The following SYNPR variants were observed in gnomAD, a reference collection of about 807,000 sequenced individuals.
SYNPR encodes synaptoporin.
Under a neutral mutation model 32.9 loss-of-function variants are expected in SYNPR, and 23 were observed. The ratio of observed to expected loss-of-function variants is 0.70; its 90% confidence interval spans 0.50 to 0.99. SYNPR has a LOEUF of 0.99. Among genes scored for constraint, SYNPR ranks in the 50% least tolerant of loss-of-function variants. The pLI is 0.00. For missense variants in SYNPR, 318 were observed against 349.3 expected (o/e 0.91, Z 0.71); for synonymous variants, 146 against 135.9 (o/e 1.07, Z -0.52).
At chr3:63,221,650 C>G in the SYNPR span, among the ~76,000 whole-genome samples, 2 of 152,070 alleles carry the variant, frequency 1.3e-5, no homozygotes, top group African/African-American at 4.8e-5. Context: ...AATATTTCAG[C>G]GCTGTGCCTG....
At chr3:63,217,915 A>T in the SYNPR span, among the ~76,000 whole-genome samples, 1 of 152,130 alleles carries the variant, frequency 6.6e-6, no homozygotes, top group South Asian at 2.1e-4. Flanking sequence ...CAGTATCCTT[A>T]ATAAGAGAAA....
chr3:63,442,628 T>C (rs1448819796), intron 2 of SYNPR, among the ~76,000 whole-genome samples: 1 of 152,216 alleles, frequency 6.6e-6, no homozygotes, highest in East Asian at 1.9e-4. Flanking sequence ...CAGATCCATG[T>C]CGCACTTAAG....
intron 2 of SYNPR, among the ~76,000 whole-genome samples, chr3:63,476,960 A>C (rs967741855): frequency 6.6e-6 from 1 of 152,198 alleles, no homozygotes; most frequent in Non-Finnish European, 1.5e-5. Flanking sequence ...GTCATTAAAC[A>C]TCCAATGATT....
At chr3:63,577,021 G>A (rs988258950) in intron 4 of SYNPR, among the ~76,000 whole-genome samples, 1 of 151,912 alleles carries the variant, frequency 6.6e-6, no homozygotes, top group African/African-American at 2.4e-5. Flanking sequence ...TACTGTGAGG[G>A]GGCAAATCTC....
chr3:63,332,431 A>C (rs951435870), intron 2 of SYNPR, among the ~76,000 whole-genome samples: 1 of 152,226 alleles, frequency 6.6e-6, no homozygotes, highest in African/African-American at 2.4e-5. Flanking sequence ...TGTAAGTTCC[A>C]TGAGGGCCAA....
At chr3:63,313,414 C>T (rs1299962687) in intron 2 of SYNPR, among the ~76,000 whole-genome samples, 4 of 151,524 alleles carry the variant, frequency 2.6e-5, no homozygotes, top group African/African-American at 9.7e-5. Context: ...ATTCTTACAC[C>T]TTTGCATCCT....
chr3:63,494,378 T>A (rs1701315259), intron 3 of SYNPR, among the ~76,000 whole-genome samples: 1 of 136,098 alleles, frequency 7.3e-6, no homozygotes, highest in South Asian at 2.2e-4. Context: ...AAAAGTAGGG[T>A]GGATATGTTA....
At chr3:63,591,829 G>T (rs1353163950) in intron 4 of SYNPR, among the ~76,000 whole-genome samples, 1,423 of 100,292 alleles carry the variant, frequency 0.014, 18 homozygotes, top group African/African-American at 0.044. Flanking sequence ...GGGGGGGAGG[G>T]ATAGCATTGG....
intron 2 of SYNPR, among the ~76,000 whole-genome samples, chr3:63,353,941 T>G (rs951066438): frequency 1.3e-5 from 2 of 152,212 alleles, no homozygotes; most frequent in Non-Finnish European, 2.9e-5. Flanking sequence ...GGACTTGGTT[T>G]CCTTAGGAGG....
intron 2 of SYNPR, among the ~76,000 whole-genome samples, chr3:63,292,219 A>G (rs768099665): frequency 9.2e-5 from 14 of 152,226 alleles, no homozygotes; most frequent in Non-Finnish European, 1.6e-4. Context: ...GCTTTAAAAA[A>G]ATTTTTAATT....
chr3:63,507,528 T>C (rs879324055), intron 3 of SYNPR, among the ~76,000 whole-genome samples: 17 of 152,176 alleles, frequency 1.1e-4, no homozygotes, highest in Admixed American at 1.0e-3. Flanking sequence ...TGGGGGAAAT[T>C]AGGGACTGTC....
chr3:63,546,188 GC>G (rs1241959742), intron 3 of SYNPR, among the ~76,000 whole-genome samples: 1 of 152,104 alleles, frequency 6.6e-6, no homozygotes, highest in African/African-American at 2.4e-5. Context: ...TATTTGAAGA[GC>G]CAAAATTAAT....
chr3:63,327,583 T>C (rs948840391), intron 2 of SYNPR, among the ~76,000 whole-genome samples: 1 of 152,144 alleles, frequency 6.6e-6, no homozygotes, highest in African/African-American at 2.4e-5. Flanking sequence ...TTTTGGTATA[T>C]TTATGCATTT....
chr3:63,445,364 C>T (rs1236764155), intron 2 of SYNPR, among the ~76,000 whole-genome samples: 1 of 152,114 alleles, frequency 6.6e-6, no homozygotes, highest in Non-Finnish European at 1.5e-5. Flanking sequence ...GGTCGGGATC[C>T]TTAGTTGGAG....
intron 5 of SYNPR, 134 bp downstream of exon 5, chr3:63,609,450 C>T (rs1559550662): frequency 1.4e-6 from 1 of 693,508 alleles, no homozygotes; most frequent in Non-Finnish European, 2.2e-6. Flanking sequence ...AGATACTTCA[C>T]CTCAGGTACA....
intron 2 of SYNPR, among the ~76,000 whole-genome samples, chr3:63,253,016 G>T (rs547790816): frequency 1.0e-4 from 15 of 149,696 alleles, no homozygotes; most frequent in Admixed American, 6.0e-4. Context: ...TCCAGCCTGG[G>T]TGACAGAGTG....
intron 2 of SYNPR, among the ~76,000 whole-genome samples, chr3:63,371,157 T>C (rs2087807447): frequency 1.3e-5 from 2 of 151,262 alleles, no homozygotes; most frequent in Non-Finnish European, 3.0e-5. Context: ...AAATGATGAG[T>C]GAGTGACAGT....
At chr3:63,362,926 A>G (rs1396356839) in intron 2 of SYNPR, among the ~76,000 whole-genome samples, 1 of 152,230 alleles carries the variant, frequency 6.6e-6, no homozygotes, top group Non-Finnish European at 1.5e-5. Context: ...AAAAACCATT[A>G]TCTAAATGAT....
intron 4 of SYNPR, among the ~76,000 whole-genome samples, chr3:63,557,061 G>A (rs944539053): frequency 6.6e-6 from 1 of 152,130 alleles, no homozygotes; most frequent in Non-Finnish European, 1.5e-5. Flanking sequence ...TTATATTATA[G>A]GATGATCATA....
Sources: gnomAD v4.1 joint callset for allele counts (sites outside exome capture counted in the v4.1 genomes callset) on GRCh38, gnomAD v4.1.1 for gene constraint, MANE v1.5 for transcripts, NCBI Gene and HGNC (gene_info 2026-07-23, HGNC 2026-07-21) for gene names.